Variants in DZANK1 observed in about 807,000 individuals in gnomAD.
The protein encoded by DZANK1 is double zinc ribbon and ankyrin repeat-containing protein 1.
Under a neutral mutation model 94.5 loss-of-function variants are expected in DZANK1, and 91 were observed. The observed-to-expected ratio is 0.96, with a 90% CI of 0.81 to 1.15. The LOEUF is 1.15. DZANK1 is among the 50% of genes most tolerant of loss of function. DZANK1 has a pLI of 0.00. For missense variants in DZANK1, 903 were observed against 916.4 expected, an observed-to-expected ratio of 0.99 and a Z score of 0.19; for synonymous variants, 312 against 325.3, an observed-to-expected ratio of 0.96 and a Z score of 0.44.
chr20:18,436,166 T>G (rs897925258), intron 8 of DZANK1, among the ~76,000 whole-genome samples: 1 of 152,098 alleles, frequency 6.6e-6, no homozygotes, highest in Non-Finnish European at 1.5e-5. Context: ...GGAAACCACA[T>G]TTGATAAAAA....
At chr20:18,453,506 G>A (rs1052694503) in intron 5 of DZANK1, among the ~76,000 whole-genome samples, 5 of 152,124 alleles carry the variant, frequency 3.3e-5, no homozygotes, top group Non-Finnish European at 7.3e-5. Flanking sequence ...CATGGCTCCC[G>A]GCAGTGGGTC....
chr20:18,384,610 A>G, intron 20 of DZANK1, 46 bp from the exon 21 acceptor site: 1 of 1,525,120 alleles, frequency 6.6e-7, no homozygotes, highest in Non-Finnish European at 8.8e-7. Flanking sequence ...GGACTTGAAC[A>G]TGTGACCCTA....
At position 18,400,531 on chromosome 20, in the gene DZANK1, A is replaced by G. The variant is rs558713893; in HGVS notation, c.1433-1905T>C. ...GGAGGCAGCAAAGTCAAGAGAGATA[A>G]AATTATTTAAATAAAACAGTGAGAG... On this transcript the variant is annotated intron_variant, in intron 13 of 20. Transcript: ENST00000262547. Among the ~76,000 whole-genome samples, 4 of 152,306 alleles carry G rather than the reference A, an allele frequency of 2.6e-5. No individual in the cohort carries two copies. In the South Asian group the frequency reaches 8.3e-4, roughly 32 times the overall value.
chr20:18,449,166 G>T, intron 6 of DZANK1, 97 bp from the exon 7 acceptor site: 6 of 951,164 alleles, frequency 6.3e-6, no homozygotes, highest in Non-Finnish European at 9.9e-6. Context: ...AATCATTATG[G>T]GTGAATACAC....
At chr20:18,395,170 G>A (rs2056265733) in intron 15 of DZANK1, among the ~76,000 whole-genome samples, 1 of 152,178 alleles carries the variant, frequency 6.6e-6, no homozygotes, top group African/African-American at 2.4e-5. Flanking sequence ...AGACCAGCCT[G>A]GCCAACATGG....
chr20:18,430,643 C>T (rs2148595392), intron 9 of DZANK1, among the ~76,000 whole-genome samples: 1 of 152,120 alleles, frequency 6.6e-6, no homozygotes. Context: ...GGTGAAACCC[C>T]ATCTCTACAA....
intron 6 of DZANK1, 128 bp downstream of exon 6, chr20:18,452,487 T>C: frequency 9.0e-7 from 1 of 1,108,126 alleles, no homozygotes; most frequent in Non-Finnish European, 1.3e-6. Context: ...CAGTACAGTA[T>C]TCCCAGCACT....
At chr20:18,433,654 T>G (rs2058380183) in exon 9 of DZANK1, 1 of 1,613,448 alleles carries the variant, frequency 6.2e-7, no homozygotes, top group Non-Finnish European at 8.5e-7. Context: ...TTCATTACCT[T>G]CAAGTGGAGG....
At chr20:18,391,843 C>A (rs370163356) in intron 17 of DZANK1, among the ~76,000 whole-genome samples, 4 of 152,354 alleles carry the variant, frequency 2.6e-5, no homozygotes, top group African/African-American at 7.2e-5. Context: ...TTCTCGCTGT[C>A]CCCATCTTAC....
exon 16 of DZANK1, chr20:18,394,281 C>A (rs2056198361): frequency 6.2e-7 from 1 of 1,613,726 alleles, no homozygotes; most frequent in Middle Eastern, 1.6e-4. Flanking sequence ...CCGCACAGCC[C>A]CCCATCACCC....
At chr20:18,446,747 T>A (rs1477970456) in intron 7 of DZANK1, among the ~76,000 whole-genome samples, 1 of 152,234 alleles carries the variant, frequency 6.6e-6, no homozygotes, top group Non-Finnish European at 1.5e-5. Flanking sequence ...CACTTGTGAA[T>A]TTCTACCAAA....
intron 15 of DZANK1, chr20:18,394,607 T>C (rs148670318): frequency 1.7e-4 from 113 of 651,192 alleles, no homozygotes; most frequent in Non-Finnish European, 2.8e-4. Flanking sequence ...TCGTCTCACA[T>C]TGGGACCATC....
chr20:18,412,624 G>A, intron 13 of DZANK1, 22 bp downstream of exon 13: 1 of 1,608,316 alleles, frequency 6.2e-7, no homozygotes, highest in Non-Finnish European at 8.5e-7. Context: ...CCGACCAGAA[G>A]AAAGGGCATC....
chr20:18,452,957 T>C (rs1203587811), intron 5 of DZANK1, among the ~76,000 whole-genome samples: 1 of 152,198 alleles, frequency 6.6e-6, no homozygotes, highest in Non-Finnish European at 1.5e-5. Flanking sequence ...TCTTCCCCGC[T>C]GCATTCTACA....
chr20:18,437,597 AAAG>A (rs1364705060), intron 8 of DZANK1, among the ~76,000 whole-genome samples: 29 of 152,020 alleles, frequency 1.9e-4, no homozygotes, highest in African/African-American at 6.5e-4. Context: ...AAAAGAAAAA[AAAG>A]AAAAGAAAAG....
intron 9 of DZANK1, among the ~76,000 whole-genome samples, chr20:18,427,607 GT>G (rs763581890): frequency 0.06 from 638 of 10,688 alleles, 3 homozygotes; most frequent in Non-Finnish European, 0.12. Context: ...GTAAGGTTGG[GT>G]GTGTGTGTGT....
At chr20:18,449,702 G>T (rs572340737) in intron 6 of DZANK1, among the ~76,000 whole-genome samples, 1 of 147,896 alleles carries the variant, frequency 6.8e-6, no homozygotes, top group African/African-American at 2.5e-5. Context: ...AAGTTGTGGT[G>T]AGCCAAGATT....
exon 9 of DZANK1, chr20:18,433,709 C>G: frequency 6.2e-7 from 1 of 1,614,046 alleles, no homozygotes; most frequent in South Asian, 1.1e-5. Context: ...CCTCACACAC[C>G]ACACAGATGG....
At chr20:18,424,332 G>A (rs937944916) in intron 10 of DZANK1, among the ~76,000 whole-genome samples, 3 of 152,214 alleles carry the variant, frequency 2.0e-5, no homozygotes, top group African/African-American at 7.2e-5. Context: ...GCAGGCACCT[G>A]TAGTCCCAGC....
Sources: allele counts gnomAD v4.1 joint callset (sites outside exome capture counted in the v4.1 genomes callset), GRCh38; gene constraint gnomAD v4.1.1; transcripts MANE v1.5; gene names NCBI Gene and HGNC (gene_info 2026-07-23, HGNC 2026-07-21).